Variants in SEMA3C observed in about 807,000 individuals in gnomAD.
SEMA3C encodes semaphorin 3C.
A neutral mutation model predicts 89.4 loss-of-function variants in SEMA3C; 47 were observed. The ratio of observed to expected loss-of-function variants is 0.53; its 90% confidence interval spans 0.42 to 0.67. SEMA3C has a LOEUF of 0.67. Among genes scored for constraint, SEMA3C ranks in the 30% least tolerant of loss-of-function variants. SEMA3C has a pLI of 0.00. For missense variants in SEMA3C, 839 were observed against 929.1 expected, an observed-to-expected ratio of 0.90 and a Z score of 1.26; for synonymous variants, 310 against 320.2, an observed-to-expected ratio of 0.97 and a Z score of 0.34.
intron 10 of SEMA3C, 105 bp downstream of exon 10, chr7:80,800,652 G>T: frequency 1.4e-6 from 1 of 700,972 alleles, no homozygotes; most frequent in South Asian, 1.9e-5. Flanking sequence ...CATCCCAAAT[G>T]ACATGTAAAA....
At chr7:80,797,739 C>T (rs2115640454) in intron 11 of SEMA3C, among the ~76,000 whole-genome samples, 1 of 152,246 alleles carries the variant, frequency 6.6e-6, no homozygotes, top group African/African-American at 2.4e-5. Context: ...GTGGCTCACG[C>T]CTGTAATCCA....
chr7:80,881,209 A>ACT lies in SEMA3C; in HGVS notation c.103+35468_103+35469dup, dbSNP rs959164508. Among the ~76,000 whole-genome samples the ACT allele has an allele frequency of 1.2e-3, 164 of 136,964 alleles. 1 individual carries two copies. Among genetic ancestry groups the ACT allele is most frequent in the South Asian group, 7.8e-3 (33 of 4,244 alleles). The allele number at this position is 136,964 out of a possible 152,430, so 89.9% of individuals were successfully genotyped here. A position where few individuals can be genotyped will look rare whatever the true frequency, so the allele number is the denominator to read the frequency against. The stretch of plus-strand genomic sequence containing the variant: ...CACACACACACACACACACACACAC[A>ACT]CTCTCTCTCATGTAAAGTTTTTCAA... On this transcript the variant is annotated intron_variant, in intron 2 of 17. Coordinates refer to ENST00000265361, the MANE Select transcript of SEMA3C (RefSeq NM_006379.5).
intron 12 of SEMA3C, among the ~76,000 whole-genome samples, chr7:80,779,740 G>A (rs1757867765): frequency 6.6e-6 from 1 of 152,130 alleles, no homozygotes; most frequent in Admixed American, 6.5e-5. Context: ...TGGAACATGT[G>A]GCTTGCTTTT....
At chr7:80,823,961 A>G (rs2115791755) in intron 4 of SEMA3C, among the ~76,000 whole-genome samples, 1 of 152,258 alleles carries the variant, frequency 6.6e-6, no homozygotes, top group Admixed American at 6.5e-5. Context: ...TTTTTAGCCA[A>G]GGCAGAAAAT....
chr7:80,892,076 T>C (rs919640197), intron 2 of SEMA3C, among the ~76,000 whole-genome samples: 2 of 152,128 alleles, frequency 1.3e-5, no homozygotes, highest in Non-Finnish European at 2.9e-5. Context: ...ATATTACTAA[T>C]AGGCTAGTTC....
intron 2 of SEMA3C, among the ~76,000 whole-genome samples, chr7:80,840,446 G>C (rs1220733369): frequency 6.7e-6 from 1 of 149,406 alleles, no homozygotes; most frequent in East Asian, 2.1e-4. Flanking sequence ...TTGAGCATGG[G>C]AGGTAGAAGC....
chr7:80,859,530 T>C (rs1026911876), intron 2 of SEMA3C, among the ~76,000 whole-genome samples: 9 of 152,176 alleles, frequency 5.9e-5, no homozygotes, highest in Non-Finnish European at 1.0e-4. Context: ...CAGCAACTAG[T>C]TCTCTTAATC....
At chr7:80,892,184 G>T (rs560325371) in intron 2 of SEMA3C, among the ~76,000 whole-genome samples, 1 of 152,092 alleles carries the variant, frequency 6.6e-6, no homozygotes, top group South Asian at 2.1e-4. Flanking sequence ...CTTTACAGGA[G>T]GCAATAAACT....
At chr7:80,819,051 C>T (rs1789681581) in intron 4 of SEMA3C, among the ~76,000 whole-genome samples, 1 of 152,198 alleles carries the variant, frequency 6.6e-6, no homozygotes, top group Non-Finnish European at 1.5e-5. Flanking sequence ...ACAGAGTTGT[C>T]ATACATGCCC....
chr7:80,840,644 C>A (rs1790244061), intron 2 of SEMA3C, among the ~76,000 whole-genome samples: 1 of 150,764 alleles, frequency 6.6e-6, no homozygotes, highest in African/African-American at 2.4e-5. Context: ...AGTGGAGGTA[C>A]ACGAGCAACT....
At chr7:80,848,356 C>A (rs1037052726) in intron 2 of SEMA3C, among the ~76,000 whole-genome samples, 2 of 152,066 alleles carry the variant, frequency 1.3e-5, no homozygotes, top group Non-Finnish European at 2.9e-5. Flanking sequence ...AGTCCTCTAC[C>A]TACAAAAATA....
chr7:80,759,995 T>C (rs1194609941), intron 14 of SEMA3C, among the ~76,000 whole-genome samples: 1 of 152,224 alleles, frequency 6.6e-6, no homozygotes, highest in African/African-American at 2.4e-5. Flanking sequence ...TTAAGCGTAC[T>C]ATTTTCTGTT....
chr7:80,903,177 T>A lies in SEMA3C; in HGVS notation c.103+13502A>T, dbSNP rs553148478. Among the ~76,000 whole-genome samples the A allele has an allele frequency of 8.1e-4, 123 of 152,292 alleles. 2 individuals carry two copies. The Middle Eastern group carries it at 0.014, about 17-fold the overall frequency. On this transcript the variant is annotated intron_variant, in intron 2 of 17. Coordinates refer to ENST00000265361, the MANE Select transcript of SEMA3C (RefSeq NM_006379.5). ...ATTTTGTCATTGTGCGAACATCATA[T>A]ATTTAACTTATACCAACCTAGGTGG...
At chr7:80,822,033 T>C (rs1056619714) in intron 4 of SEMA3C, among the ~76,000 whole-genome samples, 2 of 152,208 alleles carry the variant, frequency 1.3e-5, no homozygotes, top group East Asian at 3.8e-4. Flanking sequence ...TCCATTTCCA[T>C]TGTGCTGCCT....
intron 11 of SEMA3C, among the ~76,000 whole-genome samples, chr7:80,795,168 A>T (rs924585814): frequency 6.6e-6 from 1 of 152,186 alleles, no homozygotes; most frequent in Non-Finnish European, 1.5e-5. Flanking sequence ...ACTTGGCTGC[A>T]GGTGGTTCGG....
At chr7:80,905,790 C>T (rs1178913642) in intron 2 of SEMA3C, 37 of 1,120,682 alleles carry the variant, frequency 3.3e-5, no homozygotes, top group Non-Finnish European at 4.1e-5. Context: ...GCAGGGTTTG[C>T]CTGGTGTAAT....
At chr7:80,750,495 CACACACAT>C (rs1403554441) in intron 16 of SEMA3C, among the ~76,000 whole-genome samples, 31 of 143,192 alleles carry the variant, frequency 2.2e-4, no homozygotes, top group African/African-American at 7.7e-4. Flanking sequence ...CACACACACA[CACACACAT>C]ACACACACAC....
rs545550459 is a variant in SEMA3C, at chr7:80,834,939, AT to A, written c.104-6195del. 3.3e-5 allele frequency among the ~76,000 whole-genome samples: 5 copies of A among 152,136 alleles called. No individual in the cohort carries two copies. The South Asian group carries it at 1.0e-3, about 32-fold the overall frequency. On this transcript the variant is annotated intron_variant, in intron 2 of 17. Coordinates refer to ENST00000265361, the MANE Select transcript of SEMA3C (RefSeq NM_006379.5). ...GTATTATTTTTACTGTAGTATTGTT[AT>A]TTTTTATTTTTTTCTGAATATTTCT...
At chr7:80,907,392 T>C (rs78725128) in intron 2 of SEMA3C, among the ~76,000 whole-genome samples, 2,396 of 152,118 alleles carry the variant, frequency 0.016, 79 homozygotes, top group East Asian at 0.13. Flanking sequence ...AAATGCTCTT[T>C]TGGTGATGAT....
Sources: allele counts gnomAD v4.1 joint callset (sites outside exome capture counted in the v4.1 genomes callset), GRCh38; gene constraint gnomAD v4.1.1; transcripts MANE v1.5; gene names NCBI Gene and HGNC (gene_info 2026-07-23, HGNC 2026-07-21).